ENTHD1: variants seen among roughly 807,000 people sequenced by gnomAD.
ENTHD1 encodes the protein ENTH domain containing 1, also known as ENTH domain-containing protein 1.
A neutral mutation model predicts 39.1 loss-of-function variants in ENTHD1; 23 were observed. The observed-to-expected ratio is 0.59, with a 90% confidence interval of 0.42 to 0.83. ENTHD1 has a LOEUF of 0.83. Ranked by LOEUF, ENTHD1 falls within the 40% of genes least tolerant of loss-of-function variation. The probability of loss-of-function intolerance (pLI) is 0.00; values close to 1 mark genes in which losing one functional copy is unlikely to be tolerated. For missense variants in ENTHD1, 624 were observed against 705.4 expected, an observed-to-expected ratio of 0.88 and a Z score of 1.31; for synonymous variants, 230 against 258.2, an observed-to-expected ratio of 0.89 and a Z score of 1.05.
intron 6 of ENTHD1, among the ~76,000 whole-genome samples, chr22:39,755,197 A>T (rs1248691478): frequency 1.3e-5 from 2 of 152,182 alleles, no homozygotes; most frequent in African/African-American, 4.8e-5. Flanking sequence ...CTAGAATGAC[A>T]GTGTGATGAG....
intron 5 of ENTHD1, among the ~76,000 whole-genome samples, chr22:39,786,586 T>G (rs1238757548): frequency 2.6e-5 from 4 of 152,196 alleles, no homozygotes; most frequent in African/African-American, 7.2e-5. Flanking sequence ...CTGTGCTAAA[T>G]TTTTGAATAA....
rs938099851 is a variant in ENTHD1 at position 39,765,458 on chromosome 22, T to C, written c.984A>G (p.Thr328=). 6.2e-7 allele frequency: 1 copy of C among 1,613,936 alleles called. No individual in the cohort carries two copies. Among genetic ancestry groups the C allele is most frequent in the Non-Finnish European group, 8.5e-7 (1 of 1,179,976 alleles). ...ACCAACATGCTGGTAAAATTGTCAA[T>C]GTTTTAAGACCTTCTGCAGCTGATT... ...EKQSAAEGLK[T]LTILPACWSS... The change falls in exon 6 of 7, where the codon ACA becomes ACG. Residue 328 remains threonine, a synonymous_variant. Transcript: ENST00000325157.
chr22:39,891,716 T>A (rs569026040), intron 1 of ENTHD1, among the ~76,000 whole-genome samples: 102 of 152,040 alleles, frequency 6.7e-4, no homozygotes, highest in African/African-American at 2.3e-3. Flanking sequence ...CCTCCCAGGT[T>A]CAAGCAATTC....
In ENTHD1 at chr22:39,882,012, A is replaced by AT. The variant is rs1207453776; in HGVS notation, c.349+5387dup. Among the ~76,000 whole-genome samples, 11 of 152,282 alleles carry AT rather than the reference A, an allele frequency of 7.2e-5. No homozygotes were observed. In the East Asian group the frequency reaches 1.9e-3, roughly 27 times the overall value. On this transcript the variant is annotated intron_variant, in intron 2 of 6. Transcript: ENST00000325157. The stretch of plus-strand genomic sequence containing the variant: ...AGATATAGATTACTCGGACCAAATA[A>AT]TTTCTCTTTCATTCATTTCTCAGTA...
chr22:39,756,312 T>A (rs1242835884), intron 6 of ENTHD1, among the ~76,000 whole-genome samples: 4 of 148,386 alleles, frequency 2.7e-5, no homozygotes, highest in African/African-American at 1.0e-4. Context: ...TCTCTCTCTC[T>A]CTCTCACACA....
chr22:39,866,715 T>G (rs534293804), intron 2 of ENTHD1, among the ~76,000 whole-genome samples: 1 of 152,246 alleles, frequency 6.6e-6, no homozygotes, highest in Non-Finnish European at 1.5e-5. Context: ...ACTGTCACAG[T>G]ACCTTACCCT....
At chr22:39,879,462 CAA>C (rs34372930) in intron 2 of ENTHD1, among the ~76,000 whole-genome samples, 2 of 16,440 alleles carry the variant, frequency 1.2e-4, no homozygotes, top group Non-Finnish European at 2.3e-4. Flanking sequence ...GACTCTGTCT[CAA>C]AAAAAAAAAA....
intron 4 of ENTHD1, among the ~76,000 whole-genome samples, chr22:39,824,728 G>A (rs954959682): frequency 6.6e-6 from 1 of 152,154 alleles, no homozygotes; most frequent in African/African-American, 2.4e-5. Flanking sequence ...GGCCATGTTT[G>A]TGTGTGTCTA....
intron 6 of ENTHD1, 126 bp downstream of exon 6, chr22:39,765,097 T>C: frequency 7.2e-7 from 1 of 1,390,190 alleles, no homozygotes; most frequent in Non-Finnish European, 9.4e-7. Flanking sequence ...ATATCAATGA[T>C]GAAGAGTGAA....
intron 3 of ENTHD1, among the ~76,000 whole-genome samples, chr22:39,846,183 A>C (rs73163077): frequency 1.2e-4 from 18 of 152,304 alleles, no homozygotes; most frequent in Non-Finnish European, 2.1e-4. Flanking sequence ...AATCTGTAAA[A>C]CTACTAGAAG....
At chr22:39,831,641 A>G (rs1279435114) in intron 4 of ENTHD1, among the ~76,000 whole-genome samples, 2 of 152,072 alleles carry the variant, frequency 1.3e-5, no homozygotes, top group Non-Finnish European at 2.9e-5. Flanking sequence ...CCTGGCCAAC[A>G]TGGTGAAACC....
chr22:39,872,638 T>C (rs11703143), intron 2 of ENTHD1, among the ~76,000 whole-genome samples: 1 of 152,188 alleles, frequency 6.6e-6, no homozygotes, highest in African/African-American at 2.4e-5. Flanking sequence ...CAAAATCTGG[T>C]GAGCAAATAG....
At chr22:39,791,014 G>C (rs1217509200) in intron 5 of ENTHD1, among the ~76,000 whole-genome samples, 1 of 151,930 alleles carries the variant, frequency 6.6e-6, no homozygotes, top group Non-Finnish European at 1.5e-5. Flanking sequence ...AATAATCATG[G>C]GGCAGGTTTT....
chr22:39,884,785 G>A (rs777540841), intron 2 of ENTHD1, among the ~76,000 whole-genome samples: 1 of 152,158 alleles, frequency 6.6e-6, no homozygotes. Flanking sequence ...TTCGATAAAT[G>A]GTAGCAGGGC....
chr22:39,838,147 T>C (rs537265038), intron 3 of ENTHD1, among the ~76,000 whole-genome samples: 2 of 152,336 alleles, frequency 1.3e-5, no homozygotes, highest in African/African-American at 4.8e-5. Context: ...TTAATTTTTC[T>C]CACACTTTCT....
intron 5 of ENTHD1, among the ~76,000 whole-genome samples, chr22:39,800,430 T>TTA (rs2065589515): frequency 1.3e-5 from 2 of 152,232 alleles, no homozygotes; most frequent in Non-Finnish European, 2.9e-5. Flanking sequence ...CTTCCAATCA[T>TTA]GTCAGGATGA....
At chr22:39,781,740 T>TA (rs975839648) in intron 5 of ENTHD1, among the ~76,000 whole-genome samples, 23 of 150,600 alleles carry the variant, frequency 1.5e-4, no homozygotes, top group African/African-American at 3.9e-4. Context: ...TTTGAAAAGA[T>TA]AAAAAAAAAT....
intron 3 of ENTHD1, among the ~76,000 whole-genome samples, chr22:39,856,012 C>A (rs113242028): frequency 6.6e-6 from 1 of 152,162 alleles, no homozygotes; most frequent in Non-Finnish European, 1.5e-5. Flanking sequence ...GGTGGCTCAA[C>A]GCCTGTAATC....
At chr22:39,799,507 G>A (rs1277559930) in intron 5 of ENTHD1, among the ~76,000 whole-genome samples, 3 of 152,150 alleles carry the variant, frequency 2.0e-5, no homozygotes, top group Non-Finnish European at 4.4e-5. Context: ...AATTTATTAA[G>A]TGAAAAGAAA....
Sources: gnomAD v4.1 joint callset for allele counts (sites outside exome capture counted in the v4.1 genomes callset) on GRCh38, gnomAD v4.1.1 for gene constraint, MANE v1.5 for transcripts, NCBI Gene and HGNC (gene_info 2026-07-23, HGNC 2026-07-21) for gene names.